Variants in HSPA12A observed in about 807,000 individuals in gnomAD.
The protein encoded by HSPA12A is heat shock protein family A (Hsp70) member 12A, also known as heat shock 70 kDa protein 12A.
Under a neutral mutation model 69.2 loss-of-function variants are expected in HSPA12A, and 28 were observed. The ratio of observed to expected loss-of-function variants is 0.40; its 90% CI spans 0.30 to 0.55. HSPA12A has a LOEUF of 0.55. Ranked by LOEUF, HSPA12A falls within the 20% of genes least tolerant of loss-of-function variation. The pLI is 0.38. For synonymous variants in HSPA12A, 345 were observed against 370.5 expected, an observed-to-expected ratio of 0.93 and a Z score of 0.79; for missense variants, 686 against 900.7, an observed-to-expected ratio of 0.76 and a Z score of 3.05.
intron 2 of HSPA12A, among the ~76,000 whole-genome samples, chr10:116,752,724 G>GT (rs782628208): frequency 1.3e-5 from 2 of 152,220 alleles, no homozygotes; most frequent in Non-Finnish European, 2.9e-5. Context: ...CCGCCTAGCT[G>GT]TGTGGCCTTG....
At chr10:116,685,740 T>C (rs2921965) in intron 6 of HSPA12A, among the ~76,000 whole-genome samples, 56,471 of 151,856 alleles carry the variant, frequency 0.37, 11,603 homozygotes, top group African/African-American at 0.55. Flanking sequence ...CCCAGTTTGC[T>C]CAGGATAGAG....
chr10:116,690,068 A>G (rs1564779282), intron 6 of HSPA12A, among the ~76,000 whole-genome samples: 4 of 152,216 alleles, frequency 2.6e-5, no homozygotes, highest in African/African-American at 9.6e-5. Context: ...TCACAGGTAC[A>G]TATCTTTCTT....
chr10:116,817,977 C>T (rs1211621442), intron 2 of HSPA12A, among the ~76,000 whole-genome samples: 2 of 152,208 alleles, frequency 1.3e-5, no homozygotes, highest in Admixed American at 6.5e-5. Context: ...CAATGACACT[C>T]TCCCCTCCAG....
At chr10:116,837,294 C>A (rs190855801) in intron 1 of HSPA12A, among the ~76,000 whole-genome samples, 2 of 152,286 alleles carry the variant, frequency 1.3e-5, no homozygotes, top group Admixed American at 1.3e-4. Flanking sequence ...CAGAAAGAAA[C>A]CTTTTTCAAT....
intron 2 of HSPA12A, among the ~76,000 whole-genome samples, chr10:116,749,186 C>T (rs1460803378): frequency 1.3e-5 from 2 of 152,172 alleles, no homozygotes; most frequent in African/African-American, 4.8e-5. Flanking sequence ...CCTTCTCCAG[C>T]CCATAGCCCA....
At chr10:116,756,934 C>T (rs1293836965) in intron 2 of HSPA12A, among the ~76,000 whole-genome samples, 4 of 152,286 alleles carry the variant, frequency 2.6e-5, no homozygotes, top group Non-Finnish European at 5.9e-5. Context: ...TGCCAGGCAT[C>T]CTTCTAGGCC....
At chr10:116,827,999 C>T (rs1397747958) in intron 2 of HSPA12A, among the ~76,000 whole-genome samples, 1 of 152,174 alleles carries the variant, frequency 6.6e-6, no homozygotes, top group Non-Finnish European at 1.5e-5. Flanking sequence ...AGTAAGACCT[C>T]GTGGTATGCA....
chr10:116,674,074 T>C lies in HSPA12A; in HGVS notation c.*707A>G, dbSNP rs1262538317. ...AGTAACTCTTCACTATCTGTTTCCA[T>C]CATGGCAAGTTTTCACCTGCTAAGA... On this transcript the variant is annotated 3_prime_UTR_variant, in exon 12 of 12. Coordinates refer to ENST00000369209, the MANE Select transcript of HSPA12A (RefSeq NM_025015.3). 1 of 152,256 alleles carries C rather than the reference T, an allele frequency of 6.6e-6. No individual in the cohort carries two copies. Among genetic ancestry groups the C allele is most frequent in the African/African-American group, 2.4e-5 (1 of 41,438 alleles). 9.4% of individuals were successfully genotyped at this position (152,256 alleles called of 1,614,324 possible).
intron 11 of HSPA12A, 131 bp downstream of exon 11, chr10:116,676,268 G>T: frequency 1.4e-6 from 1 of 723,704 alleles, no homozygotes; most frequent in South Asian, 1.6e-5. Context: ...GCCCAGTCCT[G>T]CAGGGCCCTT....
At chr10:116,817,290 G>T (rs959202482) in intron 2 of HSPA12A, among the ~76,000 whole-genome samples, 24 of 152,070 alleles carry the variant, frequency 1.6e-4, no homozygotes, top group Non-Finnish European at 3.1e-4. Context: ...TCTAACAGAG[G>T]CTTTGTCTGT....
intron 2 of HSPA12A, among the ~76,000 whole-genome samples, chr10:116,822,369 A>G (rs1845421955): frequency 6.6e-6 from 1 of 152,250 alleles, no homozygotes; most frequent in African/African-American, 2.4e-5. Context: ...AAAACAATTC[A>G]GGAATGGCTT....
chr10:116,717,847 G>A (rs1371227334), intron 1 of HSPA12A, among the ~76,000 whole-genome samples: 1 of 152,168 alleles, frequency 6.6e-6, no homozygotes, highest in Non-Finnish European at 1.5e-5. Flanking sequence ...ACAGGAACTT[G>A]GCAAAGGGAA....
rs1850834784 is a variant in HSPA12A at position 116,723,160 on chromosome 10, G to A, written c.41-15875C>T. On this transcript the variant is annotated intron_variant, in intron 1 of 11. Transcript: ENST00000369209. This position sits in a 1 kb window ranked among gnomAD's most constrained non-coding sequence, Gnocchi z 4.1. Reference sequence around the variant, plus strand: ...GTAGCTCTCTATCCCCTTCATATCAGATGCAGCTGTTTAACCAATCAGATA... The same window carrying A: ...GTAGCTCTCTATCCCCTTCATATCAAATGCAGCTGTTTAACCAATCAGATA... 6.6e-6 allele frequency among the ~76,000 whole-genome samples: 1 copy of A among 152,070 alleles called. No individual in the cohort carries two copies. The highest frequency in any genetic ancestry group is 1.5e-5 in the Non-Finnish European group (1 of 68,014).
chr10:116,783,008 T>G (rs1844497109), intron 2 of HSPA12A, among the ~76,000 whole-genome samples: 1 of 152,160 alleles, frequency 6.6e-6, no homozygotes, highest in African/African-American at 2.4e-5. Context: ...AGAAGGGAAA[T>G]GACAAATGTC....
chr10:116,817,189 C>T (rs535924678), intron 2 of HSPA12A, among the ~76,000 whole-genome samples: 13 of 151,662 alleles, frequency 8.6e-5, no homozygotes, highest in African/African-American at 2.9e-4. Context: ...TTTTTTTTCC[C>T]GGGGATTTAG....
intron 1 of HSPA12A, among the ~76,000 whole-genome samples, chr10:116,736,799 C>T (rs756638935): frequency 6.6e-6 from 1 of 152,128 alleles, no homozygotes; most frequent in Non-Finnish European, 1.5e-5. Flanking sequence ...CAGGGAGACC[C>T]ATTTTGGACT....
chr10:116,709,205 G>A (rs1413119240), intron 1 of HSPA12A, among the ~76,000 whole-genome samples: 1 of 152,208 alleles, frequency 6.6e-6, no homozygotes, highest in Non-Finnish European at 1.5e-5. Flanking sequence ...CCAGCACTTT[G>A]GGAGGCCAAG....
intron 1 of HSPA12A, among the ~76,000 whole-genome samples, chr10:116,721,588 A>G (rs963274560): frequency 3.9e-5 from 6 of 152,204 alleles, no homozygotes; most frequent in South Asian, 4.1e-4. Flanking sequence ...AAAACAAAAC[A>G]AAACGAAAAC....
At chr10:116,790,911 G>A (rs953450533) in intron 2 of HSPA12A, among the ~76,000 whole-genome samples, 1 of 151,994 alleles carries the variant, frequency 6.6e-6, no homozygotes, top group African/African-American at 2.4e-5. Flanking sequence ...TGCTGGTCTC[G>A]AACTCCTGAC....
Sources: gnomAD v4.1 joint callset for allele counts (sites outside exome capture counted in the v4.1 genomes callset) on GRCh38, gnomAD v4.1.1 for gene constraint, Gnocchi (gnomAD v3.1) non-coding constraint, MANE v1.5 for transcripts, NCBI Gene and HGNC (gene_info 2026-07-23, HGNC 2026-07-21) for gene names.